The following ASH1L variants were observed in gnomAD, a reference collection of about 807,000 sequenced individuals.
ASH1L encodes ASH1 like histone lysine methyltransferase.
ASH1L carries 23 observed loss-of-function variants against 269.0 expected under a neutral mutation model. The observed-to-expected ratio is 0.09, with a 90% confidence interval of 0.06 to 0.12. The LOEUF is 0.12. Among genes scored for constraint, ASH1L ranks in the 10% least tolerant of loss-of-function variants. The pLI, the probability that ASH1L is intolerant of heterozygous loss-of-function variation, is 1.00. For synonymous variants in ASH1L, 1,187 were observed against 1,253.5 expected (o/e 0.95, Z 1.12); for missense variants, 2,912 against 3,567.8 (o/e 0.82, Z 4.68).
chr1:155,430,208 T>C (rs1661498491), intron 5 of ASH1L, among the ~76,000 whole-genome samples: 1 of 152,054 alleles, frequency 6.6e-6, no homozygotes, highest in Non-Finnish European at 1.5e-5. Context: ...ACCCCTGGGC[T>C]CCAGCAATAC....
At chr1:155,367,622 C>T (rs1655550587) in intron 12 of ASH1L, among the ~76,000 whole-genome samples, 1 of 151,912 alleles carries the variant, frequency 6.6e-6, no homozygotes, top group African/African-American at 2.4e-5. Flanking sequence ...TTTGTTAGTT[C>T]CTTTTTATTC....
At chr1:155,462,679 G>A (rs1664395308) in intron 3 of ASH1L, among the ~76,000 whole-genome samples, 1 of 152,188 alleles carries the variant, frequency 6.6e-6, no homozygotes, top group Admixed American at 6.5e-5. Context: ...AGTAATGGAA[G>A]CCAGCAGCCT....
At chr1:155,484,642 A>C (rs1235543573) in intron 2 of ASH1L, among the ~76,000 whole-genome samples, 2 of 151,440 alleles carry the variant, frequency 1.3e-5, no homozygotes, top group East Asian at 2.0e-4. Flanking sequence ...ACAAACAAGC[A>C]AGCCAGCCAG....
intron 21 of ASH1L, among the ~76,000 whole-genome samples, chr1:155,345,462 C>T (rs1289016905): frequency 1.3e-5 from 2 of 151,344 alleles, no homozygotes; most frequent in Non-Finnish European, 2.9e-5. Context: ...GGATTGCAGC[C>T]GTGAGCCACT....
At chr1:155,382,026 G>A (rs1657009293) in intron 7 of ASH1L, among the ~76,000 whole-genome samples, 1 of 151,718 alleles carries the variant, frequency 6.6e-6, no homozygotes, top group Non-Finnish European at 1.5e-5. Context: ...GGCCAACATG[G>A]TGAAAGCCTG....
Position 155,551,608 on chromosome 1 carries a change from C to T in ASH1L, c.-100+10545G>A, listed in dbSNP as rs1225043057. Reference sequence around the variant, plus strand: ...CCGGGAGGCGGAGCTTGCAGTGAGCCGAGATCCCGCCACTGCACTCCAGCC... The same window carrying T: ...CCGGGAGGCGGAGCTTGCAGTGAGCTGAGATCCCGCCACTGCACTCCAGCC... On this transcript the variant is annotated intron_variant, in intron 1 of 27. Coordinates refer to ENST00000392403, the MANE Select transcript of ASH1L (RefSeq NM_018489.3). Among the ~76,000 whole-genome samples, 162 of 139,490 alleles carry T rather than the reference C, an allele frequency of 1.2e-3. 1 individual carries two copies. The highest frequency in any genetic ancestry group is 4.2e-3 in the African/African-American group (154 of 37,084). 91.5% of individuals were successfully genotyped at this position (139,490 alleles called of 152,430 possible). A position where few individuals can be genotyped will look rare whatever the true frequency, so the allele number is the denominator to read the frequency against.
At chr1:155,412,892 G>T (rs1198551740) in intron 6 of ASH1L, among the ~76,000 whole-genome samples, 1 of 139,980 alleles carries the variant, frequency 7.1e-6, no homozygotes, top group Non-Finnish European at 1.6e-5. Context: ...TCTTCTGTGT[G>T]TTTTTTTTTT....
At chr1:155,386,352 G>C (rs1171717870) in intron 7 of ASH1L, among the ~76,000 whole-genome samples, 1 of 151,798 alleles carries the variant, frequency 6.6e-6, no homozygotes, top group Non-Finnish European at 1.5e-5. Flanking sequence ...ACAGATGTGA[G>C]CCACTGCGCC....
intron 16 of ASH1L, among the ~76,000 whole-genome samples, 165 bp downstream of exon 16, chr1:155,354,308 T>C (rs182405287): frequency 4.6e-4 from 70 of 152,266 alleles, no homozygotes; most frequent in African/African-American, 1.6e-3. Context: ...CCGGGCATGG[T>C]GGCGGGCGCC....
At chr1:155,350,429 T>A (rs764111272) in intron 17 of ASH1L, among the ~76,000 whole-genome samples, 1 of 152,170 alleles carries the variant, frequency 6.6e-6, no homozygotes, top group Non-Finnish European at 1.5e-5. Flanking sequence ...ATGAAAGATA[T>A]AGTTGCATCT....
At position 155,479,430 on chromosome 1, in the gene ASH1L, T is replaced by C; in HGVS notation, c.3440A>G (p.Gln1147Arg). 1.2e-6 allele frequency: 2 copies of C among 1,614,162 alleles called. No individual in the cohort carries two copies. Among genetic ancestry groups the C allele is most frequent in the Non-Finnish European group, 1.7e-6 (2 of 1,180,032 alleles). The change falls in exon 3 of 28, where the codon CAG becomes CGG. Residue 1147 changes from glutamine (Q) to arginine (R), a missense_variant. This residue lies in a region of ASH1L where 157 missense variants were observed against 154.6 expected (regional missense o/e 1.02). Coordinates refer to ENST00000392403, the MANE Select transcript of ASH1L (RefSeq NM_018489.3). ...HLHSRQGSMI[Q>R]TLAMKKASKG... ...TGAGGCCTTCTTCATTGCAAGAGTC[T>C]GAATCATACTGCCCTGTCTGGAGTG...
chr1:155,473,858 C>T (rs1478152363), intron 3 of ASH1L, among the ~76,000 whole-genome samples: 1 of 151,528 alleles, frequency 6.6e-6, no homozygotes, highest in African/African-American at 2.4e-5. Flanking sequence ...TTTTTTGAGA[C>T]AGACTCTCAC....
At chr1:155,377,627 T>C (rs940124655) in intron 10 of ASH1L, among the ~76,000 whole-genome samples, 3 of 152,082 alleles carry the variant, frequency 2.0e-5, no homozygotes, top group African/African-American at 7.2e-5. Context: ...TTCACAAACA[T>C]TGTTTATCAA....
intron 7 of ASH1L, among the ~76,000 whole-genome samples, chr1:155,381,857 G>A (rs1244859068): frequency 6.6e-6 from 1 of 151,696 alleles, no homozygotes; most frequent in African/African-American, 2.4e-5. Context: ...CTGCACTCCA[G>A]CCTAGGCAAC....
At chr1:155,415,713 G>T in intron 6 of ASH1L, 31 bp downstream of exon 6, 1 of 1,587,634 alleles carries the variant, frequency 6.3e-7, no homozygotes, top group Non-Finnish European at 8.6e-7. Flanking sequence ...GGAAGAAAAA[G>T]GGATGTTAGC....
chr1:155,530,443 A>C (rs1337055953), intron 1 of ASH1L, among the ~76,000 whole-genome samples: 1 of 152,024 alleles, frequency 6.6e-6, no homozygotes, highest in African/African-American at 2.4e-5. Context: ...TCCCCTTTCT[A>C]GGCCGGGCTC....
chr1:155,393,857 C>T lies in ASH1L; in HGVS notation c.6103+1602G>A, dbSNP rs114650843. Among the ~76,000 whole-genome samples, 832 of 152,184 alleles carry T rather than the reference C, an allele frequency of 5.5e-3. 5 individuals carry two copies. The highest frequency in any genetic ancestry group is 9.0e-3 in the Non-Finnish European group (615 of 68,000). ...GTGAGCCACCGCACCCAGCCTTCTCCTTTTCTTTCATTTGTACGGCAAATA... is the reference window on the plus strand; with the variant it reads ...GTGAGCCACCGCACCCAGCCTTCTCTTTTTCTTTCATTTGTACGGCAAATA... On this transcript the variant is annotated intron_variant, in intron 7 of 27. Coordinates refer to ENST00000392403, the MANE Select transcript of ASH1L (RefSeq NM_018489.3).
At chr1:155,388,945 G>A (rs1657673253) in intron 7 of ASH1L, among the ~76,000 whole-genome samples, 1 of 150,622 alleles carries the variant, frequency 6.6e-6, no homozygotes. Context: ...CTGGCCTCAA[G>A]CGATCTTCTC....
intron 6 of ASH1L, among the ~76,000 whole-genome samples, chr1:155,411,599 ATATATATATATATATATATG>A (rs1300229839): frequency 2.4e-5 from 2 of 82,830 alleles, no homozygotes; most frequent in African/African-American, 8.1e-5. Context: ...ATATATATAT[ATATATATATATATATATATG>A]TTTTCATCCA....
Sources: allele counts gnomAD v4.1 joint callset (sites outside exome capture counted in the v4.1 genomes callset), GRCh38; gene constraint gnomAD v4.1.1; regional missense constraint gnomAD v4.1.1; transcripts MANE v1.5; gene names NCBI Gene and HGNC (gene_info 2026-07-23, HGNC 2026-07-21).